The following SGCD variants were observed in gnomAD, a reference collection of about 807,000 sequenced individuals.
SGCD encodes the protein sarcoglycan delta, also known as delta-sarcoglycan.
In SGCD, 18 loss-of-function variants were observed where a neutral mutation model predicts 36.6. That is an observed-to-expected ratio of 0.49 (90% CI 0.34 to 0.73). SGCD has a LOEUF of 0.73. Among genes scored for constraint, SGCD ranks in the 30% least tolerant of loss-of-function variants. SGCD has a pLI of 0.01. For synonymous variants in SGCD, 133 were observed against 130.6 expected (o/e 1.02, Z -0.12); for missense variants, 387 against 346.7 (o/e 1.12, Z -0.92).
At chr5:155,995,986 C>CAAAAAAA (rs753195795) in intron 1 of SGCD, among the ~76,000 whole-genome samples, 3 of 46,208 alleles carry the variant, frequency 6.5e-5, no homozygotes, top group South Asian at 9.3e-4. Context: ...CAGACCACAC[C>CAAAAAAA]AAAAAAAAAA....
intron 4 of SGCD, among the ~76,000 whole-genome samples, chr5:156,569,234 G>A (rs1165408766): frequency 3.9e-5 from 6 of 152,098 alleles, no homozygotes; most frequent in Admixed American, 3.3e-4. Context: ...GGATGCATGG[G>A]TAAACAAAAG....
At chr5:156,465,419 C>A (rs773342660) in intron 3 of SGCD, among the ~76,000 whole-genome samples, 20 of 152,118 alleles carry the variant, frequency 1.3e-4, no homozygotes, top group Non-Finnish European at 2.9e-4. Context: ...AAAATAAAAT[C>A]TTTAGGCAAC....
chr5:156,010,904 A>G (rs1325178905), intron 1 of SGCD, among the ~76,000 whole-genome samples: 2 of 152,198 alleles, frequency 1.3e-5, no homozygotes, highest in African/African-American at 4.8e-5. Flanking sequence ...TTACTGATAT[A>G]TATTGTTATG....
rs552848882 is a variant in SGCD, at chr5:156,056,839, A to G, written c.-281-61039A>G. 5.5e-5 allele frequency among the ~76,000 whole-genome samples: 8 copies of G among 145,722 alleles called. 2 individuals carry two copies. Among genetic ancestry groups the G allele is most frequent in the East Asian group, 1.9e-4 (1 of 5,168 alleles). On this transcript the variant is annotated intron_variant, in intron 1 of 9. Coordinates refer to the SGCD transcript ENST00000517913. ...GTCGGGTGGTTACACAACTATAACC[A>G]CTGGGCATTTTTTGAAAGTACTTTA...
At chr5:155,964,969 C>T (rs151178759) in intron 1 of SGCD, among the ~76,000 whole-genome samples, 91 of 152,190 alleles carry the variant, frequency 6.0e-4, no homozygotes, top group African/African-American at 2.1e-3. Flanking sequence ...AACCCTGGGG[C>T]ATTGTACCAC....
At chr5:156,261,614 C>A (rs1414129655) in intron 3 of SGCD, among the ~76,000 whole-genome samples, 1 of 152,100 alleles carries the variant, frequency 6.6e-6, no homozygotes, top group African/African-American at 2.4e-5. Flanking sequence ...TTAGAGTGTA[C>A]TCTTTCTATT....
At chr5:156,470,492 C>A (rs979339824) in intron 3 of SGCD, among the ~76,000 whole-genome samples, 7 of 152,182 alleles carry the variant, frequency 4.6e-5, no homozygotes, top group African/African-American at 1.2e-4. Context: ...ATCCCTCCCC[C>A]CTACCCCCAC....
intron 1 of SGCD, among the ~76,000 whole-genome samples, chr5:156,019,752 T>C (rs1208233173): frequency 2.6e-5 from 4 of 152,246 alleles, no homozygotes; most frequent in Admixed American, 2.0e-4. Flanking sequence ...CCCTCCACTC[T>C]TTGCAAGAAG....
intron 3 of SGCD, among the ~76,000 whole-genome samples, chr5:156,417,305 G>C (rs1429035362): frequency 6.6e-6 from 1 of 152,102 alleles, no homozygotes; most frequent in African/African-American, 2.4e-5. Context: ...CAATAAGGCT[G>C]TTGCATACCT....
intron 1 of SGCD, among the ~76,000 whole-genome samples, chr5:155,880,272 A>G (rs1224058999): frequency 6.6e-6 from 1 of 152,224 alleles, no homozygotes; most frequent in Admixed American, 6.5e-5. Flanking sequence ...TGCATGGCCC[A>G]TGGGAATCTC....
chr5:156,406,801 TATATATATATATATATATAC>T (rs1439254616), intron 3 of SGCD, among the ~76,000 whole-genome samples: 1 of 73,676 alleles, frequency 1.4e-5, no homozygotes, highest in Non-Finnish European at 2.4e-5. Context: ...TATATATATA[TATATATATATATATATATAC>T]ACACACACAC....
intron 3 of SGCD, among the ~76,000 whole-genome samples, chr5:156,222,691 GTTC>G (rs1349337460): frequency 1.3e-5 from 2 of 151,958 alleles, no homozygotes; most frequent in Non-Finnish European, 2.9e-5. Context: ...TAGATGAAAT[GTTC>G]TTCTTTATTG....
At chr5:155,901,524 C>T (rs1309306421) in intron 1 of SGCD, among the ~76,000 whole-genome samples, 3 of 152,084 alleles carry the variant, frequency 2.0e-5, no homozygotes, top group Non-Finnish European at 2.9e-5. Context: ...AAATGATTTG[C>T]CTGTGTCTCT....
At chr5:156,140,822 T>C (rs1762562841) in intron 3 of SGCD, among the ~76,000 whole-genome samples, 1 of 152,208 alleles carries the variant, frequency 6.6e-6, no homozygotes, top group South Asian at 2.1e-4. Context: ...AAGATTAGTA[T>C]GGATAGAAGT....
intron 1 of SGCD, among the ~76,000 whole-genome samples, chr5:155,932,222 A>G (rs1299830773): frequency 1.3e-5 from 2 of 152,014 alleles, no homozygotes; most frequent in African/African-American, 4.8e-5. Flanking sequence ...ACAGCACGAT[A>G]CTCTTTTACT....
intron 3 of SGCD, among the ~76,000 whole-genome samples, chr5:156,147,421 G>A (rs992939636): frequency 1.3e-5 from 2 of 152,084 alleles, no homozygotes; most frequent in East Asian, 1.9e-4. Context: ...GATGCTTTCC[G>A]GACTCTCTGA....
Position 156,387,986 on chromosome 5 carries a change from A to G in SGCD, c.192+43309A>G, listed in dbSNP as rs576295390. On this transcript the variant is annotated intron_variant, in intron 3 of 8. Transcript: ENST00000337851. ...CTCTTCATCTCAGAGAGGGAGAGAG[A>G]TTCTAAGTAAGACTCAATAGGTATG... Among the ~76,000 whole-genome samples the G allele has an allele frequency of 2.0e-5, 3 of 152,222 alleles. No individual in the cohort carries two copies. In the East Asian group the frequency reaches 5.8e-4, roughly 29 times the overall value.
At chr5:156,374,881 G>C (rs1770575322) in intron 3 of SGCD, among the ~76,000 whole-genome samples, 1 of 152,124 alleles carries the variant, frequency 6.6e-6, no homozygotes, top group Admixed American at 6.5e-5. Flanking sequence ...GTGTCATTCA[G>C]CTCTGAGAAT....
At chr5:156,436,632 A>G (rs1190281849) in intron 3 of SGCD, among the ~76,000 whole-genome samples, 1 of 152,212 alleles carries the variant, frequency 6.6e-6, no homozygotes, top group East Asian at 1.9e-4. Flanking sequence ...CAGAGACTAA[A>G]TCAGAATCCA....
Sources: allele counts gnomAD v4.1 joint callset (sites outside exome capture counted in the v4.1 genomes callset), GRCh38; gene constraint gnomAD v4.1.1; transcripts MANE v1.5; gene names NCBI Gene and HGNC (gene_info 2026-07-23, HGNC 2026-07-21).